The following EDIL3 variants were observed in gnomAD, a reference collection of about 807,000 sequenced individuals.
EDIL3 encodes the protein EGF-like repeat and discoidin I-like domain-containing protein 3.
In EDIL3, 37 loss-of-function variants were observed where a neutral mutation model predicts 67.4. That is an observed-to-expected ratio of 0.55 (90% CI 0.42 to 0.72). The LOEUF is 0.72. EDIL3 is among the 30% of genes least tolerant of loss of function. The pLI is 0.00. For synonymous variants in EDIL3, 195 were observed against 196.3 expected (o/e 0.99, Z 0.05); for missense variants, 527 against 586.3 (o/e 0.90, Z 1.04).
intron 1 of EDIL3, among the ~76,000 whole-genome samples, chr5:84,268,618 T>C (rs1237542935): frequency 6.6e-6 from 1 of 152,206 alleles, no homozygotes; most frequent in Non-Finnish European, 1.5e-5. Context: ...CTTAGGTTTT[T>C]AGATAAAAAT....
At chr5:84,291,731 G>GATCGATCTATATAGATATATCTATAT (rs1745924577) in intron 1 of EDIL3, among the ~76,000 whole-genome samples, 1 of 138,110 alleles carries the variant, frequency 7.2e-6, no homozygotes, top group African/African-American at 2.8e-5. Context: ...TATCTATATA[G>GATCGATCTATATAGATATATCTATAT]ATCTATCTAT....
At chr5:83,988,946 C>T (rs1017892774) in intron 9 of EDIL3, among the ~76,000 whole-genome samples, 2 of 152,124 alleles carry the variant, frequency 1.3e-5, no homozygotes, top group African/African-American at 4.8e-5. Context: ...TAGAATTGCT[C>T]AACCTTTCAG....
chr5:83,992,130 T>A (rs1173970100), intron 9 of EDIL3, among the ~76,000 whole-genome samples: 1 of 152,090 alleles, frequency 6.6e-6, no homozygotes, highest in African/African-American at 2.4e-5. Flanking sequence ...AGAACAATAG[T>A]GGATATTAAG....
At chr5:84,056,472 T>G (rs1186908268) in intron 9 of EDIL3, among the ~76,000 whole-genome samples, 4 of 151,694 alleles carry the variant, frequency 2.6e-5, no homozygotes, top group Non-Finnish European at 5.9e-5. Flanking sequence ...TAAAGTATAA[T>G]AAAAAAATAT....
chr5:84,063,611 T>A (rs540684473), intron 8 of EDIL3, among the ~76,000 whole-genome samples: 1 of 152,124 alleles, frequency 6.6e-6, no homozygotes, highest in Admixed American at 6.6e-5. Context: ...TGAAAATCAA[T>A]CCTTTTTTAG....
At chr5:84,058,400 A>G (rs2112233253) in intron 9 of EDIL3, among the ~76,000 whole-genome samples, 1 of 152,230 alleles carries the variant, frequency 6.6e-6, no homozygotes, top group Admixed American at 6.6e-5. Context: ...TTTAGAAATG[A>G]ATTTTTAAAG....
chr5:84,060,287 T>TG lies in EDIL3; in HGVS notation c.1137+12dup. 1 of 1,611,066 alleles carries TG rather than the reference T, an allele frequency of 6.2e-7. No individual in the cohort carries two copies. The highest frequency in any genetic ancestry group is 8.5e-7 in the Non-Finnish European group (1 of 1,178,308). On this transcript the variant is annotated intron_variant, in intron 9 of 10. Coordinates refer to ENST00000296591, the MANE Select transcript of EDIL3 (RefSeq NM_005711.5). ...GGAACAGTGGGTAGTGAAACAGTTT[T>TG]GGAAAACTTTACCTGTAACCATTGT...
chr5:83,945,110 C>T (rs1744289379), intron 10 of EDIL3, among the ~76,000 whole-genome samples: 2 of 152,134 alleles, frequency 1.3e-5, no homozygotes, highest in South Asian at 4.1e-4. Flanking sequence ...AAAAGTCTCT[C>T]TGCTGGTTCT....
intron 3 of EDIL3, among the ~76,000 whole-genome samples, chr5:84,211,442 T>C (rs1030116556): frequency 6.6e-6 from 1 of 152,162 alleles, no homozygotes; most frequent in Non-Finnish European, 1.5e-5. Context: ...TAAACCTCTT[T>C]ATAAATTATC....
At chr5:84,304,223 T>C (rs1288776636) in intron 1 of EDIL3, among the ~76,000 whole-genome samples, 2 of 152,210 alleles carry the variant, frequency 1.3e-5, no homozygotes, top group Non-Finnish European at 2.9e-5. Flanking sequence ...AGGTGAAAGC[T>C]GAACTGGTAA....
intron 6 of EDIL3, among the ~76,000 whole-genome samples, chr5:84,094,696 TA>T (rs201240845): frequency 0.012 from 1,875 of 152,276 alleles, 34 homozygotes; most frequent in African/African-American, 0.042. Flanking sequence ...ACAAAGTTGT[TA>T]AAAAAATCCA....
At chr5:84,344,936 G>C (rs547195745) in intron 1 of EDIL3, among the ~76,000 whole-genome samples, 2 of 152,194 alleles carry the variant, frequency 1.3e-5, no homozygotes, top group South Asian at 2.1e-4. Context: ...CAGTCAGTTA[G>C]ATCACTTATA....
chr5:84,050,851 G>A (rs1746322225), intron 9 of EDIL3, among the ~76,000 whole-genome samples: 1 of 152,196 alleles, frequency 6.6e-6, no homozygotes, highest in African/African-American at 2.4e-5. Flanking sequence ...GCAGCTCAAG[G>A]AGGCCTGCCT....
intron 9 of EDIL3, among the ~76,000 whole-genome samples, chr5:83,970,189 T>C (rs903219018): frequency 1.3e-5 from 2 of 150,318 alleles, no homozygotes; most frequent in African/African-American, 4.9e-5. Context: ...CATTTTTACC[T>C]TTAATCTACA....
intron 3 of EDIL3, among the ~76,000 whole-genome samples, chr5:84,210,330 G>C (rs565919723): frequency 6.6e-6 from 1 of 152,162 alleles, no homozygotes; most frequent in South Asian, 2.1e-4. Flanking sequence ...TAACTAAACT[G>C]ACTGGATAAA....
At chr5:84,024,931 TA>T (rs1367815643) in intron 9 of EDIL3, among the ~76,000 whole-genome samples, 1 of 152,086 alleles carries the variant, frequency 6.6e-6, no homozygotes, top group African/African-American at 2.4e-5. Context: ...CAACCTTTAG[TA>T]TTCAACAAAA....
chr5:84,358,133 T>C (rs1185037020), intron 1 of EDIL3, among the ~76,000 whole-genome samples: 1 of 152,160 alleles, frequency 6.6e-6, no homozygotes, highest in African/African-American at 2.4e-5. Flanking sequence ...TTTGTAGGTT[T>C]AGAGGGTCAG....
At chr5:84,334,588 A>G (rs1746948335) in intron 1 of EDIL3, among the ~76,000 whole-genome samples, 1 of 152,070 alleles carries the variant, frequency 6.6e-6, no homozygotes, top group Non-Finnish European at 1.5e-5. Context: ...ACTTTGTTAG[A>G]TATTTATTGA....
In EDIL3 at chr5:84,244,016, A is replaced by C. The variant is rs140289068; in HGVS notation, c.196+10068T>G. ...TCTTACAGTACAAAGTCACCTTGAG[A>C]TGTAACCTAGTTTTTCTATGGCTCC... On this transcript the variant is annotated intron_variant, in intron 2 of 10. Transcript: ENST00000296591. Among the ~76,000 whole-genome samples the C allele has an allele frequency of 4.1e-4, 63 of 152,296 alleles. 1 individual carries two copies. Among genetic ancestry groups the C allele is most frequent in the African/African-American group, 1.5e-3 (63 of 41,562 alleles).
Sources: gnomAD v4.1 joint callset for allele counts (sites outside exome capture counted in the v4.1 genomes callset) on GRCh38, gnomAD v4.1.1 for gene constraint, MANE v1.5 for transcripts, NCBI Gene and HGNC (gene_info 2026-07-23, HGNC 2026-07-21) for gene names.